EML5: variants seen among roughly 807,000 people sequenced by gnomAD.
The protein encoded by EML5 is EMAP like 5.
In EML5, 120 loss-of-function variants were observed where a neutral mutation model predicts 250.0. The ratio of observed to expected loss-of-function variants is 0.48; its 90% CI spans 0.41 to 0.56. EML5 has a LOEUF of 0.56. EML5 is among the 20% of genes least tolerant of loss of function. EML5 has a pLI of 0.00. For missense variants in EML5, 2,006 were observed against 2,437.6 expected, an observed-to-expected ratio of 0.82 and a Z score of 3.73; for synonymous variants, 771 against 806.5, an observed-to-expected ratio of 0.96 and a Z score of 0.75.
chr14:88,695,348 G>A lies in EML5; in HGVS notation c.2438+13C>T, dbSNP rs1566649361. ...TAGTATTTTGCAAATGTGATATCAA[G>A]TTTTTTTCCTACCTTGCTATTGAAA... On this transcript the variant is annotated intron_variant, in intron 16 of 43. Transcript: ENST00000554922. 1 of 1,600,052 alleles carries A rather than the reference G, an allele frequency of 6.2e-7. No individual in the cohort carries two copies.
chr14:88,616,321 T>G, intron 42 of EML5, 79 bp from the exon 43 acceptor site: 304 of 1,333,146 alleles, frequency 2.3e-4, no homozygotes, highest in Non-Finnish European at 2.9e-4. Context: ...CTATAATCTC[T>G]ATGACAAGAG....
At chr14:88,646,613 C>A (rs1362895280) in intron 29 of EML5, among the ~76,000 whole-genome samples, 1 of 151,910 alleles carries the variant, frequency 6.6e-6, no homozygotes, top group Non-Finnish European at 1.5e-5. Context: ...TAACAATTAA[C>A]CACATTTTAA....
rs2089658891 is a variant in EML5, at chr14:88,624,755, A to G, written c.4898+215T>C. On this transcript the variant is annotated intron_variant, in intron 36 of 43. Coordinates refer to ENST00000554922, the MANE Select transcript of EML5 (RefSeq NM_183387.3). ...ACAACTACCTATCCACACCTCAGAA[A>G]AAGTATCACCCCAACATGAAAAAAA... The G allele has an allele frequency of 7.4e-6, 4 of 540,014 alleles. No individual in the cohort carries two copies. The East Asian group carries it at 1.3e-4, about 18-fold the overall frequency. 33.5% of individuals were successfully genotyped at this position (540,014 alleles called of 1,614,324 possible).
chr14:88,652,363 T>C (rs2091670069), intron 27 of EML5, among the ~76,000 whole-genome samples: 1 of 151,862 alleles, frequency 6.6e-6, no homozygotes, highest in East Asian at 1.9e-4. Flanking sequence ...AACGCGGGGG[T>C]CAGTCAATTT....
chr14:88,657,248 G>T, intron 27 of EML5, 128 bp downstream of exon 27: 2 of 862,158 alleles, frequency 2.3e-6, no homozygotes, highest in Non-Finnish European at 1.7e-6. Context: ...TTTCTAAGAG[G>T]TGCTGTGAAT....
chr14:88,616,151 T>TA lies in EML5; in HGVS notation c.5887_5888insT (p.Asp1963ValfsTer2). Reference sequence around the variant, plus strand: ...TGAGAAAGTTACTAACCTGCAGTCATCACCTCCAGCACTAACAACATGTCG... The same window carrying TA: ...TGAGAAAGTTACTAACCTGCAGTCATACACCTCCAGCACTAACAACATGTCG... On this transcript the variant is annotated frameshift_variant, in exon 43 of 44. Coordinates refer to ENST00000554922, the MANE Select transcript of EML5 (RefSeq NM_183387.3). LOFTEE classifies it high-confidence loss of function. 1 of 1,613,882 alleles carries TA rather than the reference T, an allele frequency of 6.2e-7. No homozygotes were observed. The highest frequency in any genetic ancestry group is 8.5e-7 in the Non-Finnish European group (1 of 1,179,782).
At chr14:88,616,978 A>C (rs777318069) in intron 41 of EML5, 99 bp from the exon 42 acceptor site, 17 of 1,125,936 alleles carry the variant, frequency 1.5e-5, no homozygotes, top group Admixed American at 2.2e-5. Flanking sequence ...GTACCCTATC[A>C]TGTTACTTAA....
chr14:88,634,496 T>C lies in EML5; in HGVS notation c.4337-7A>G, dbSNP rs953717112. The C allele has an allele frequency of 2.8e-6, 4 of 1,436,072 alleles. No individual in the cohort carries two copies. The highest frequency in any genetic ancestry group is 3.7e-6 in the Non-Finnish European group (4 of 1,074,014). 89.0% of individuals were successfully genotyped at this position (1,436,072 alleles called of 1,614,324 possible). On this transcript the variant is annotated splice_polypyrimidine_tract_variant and splice_region_variant and intron_variant, in intron 32 of 43. Coordinates refer to ENST00000554922, the MANE Select transcript of EML5 (RefSeq NM_183387.3). ...GACATGTCTGCTGAATCACCTATAA[T>C]GGAAAATAATTATCTATAAATAACA...
chr14:88,745,487 T>C (rs1475377696), intron 3 of EML5, among the ~76,000 whole-genome samples: 1 of 152,138 alleles, frequency 6.6e-6, no homozygotes, highest in Non-Finnish European at 1.5e-5. Context: ...GAGGAATATA[T>C]ATTCTAACAA....
At chr14:88,646,045 T>C (rs1177621706) in intron 29 of EML5, among the ~76,000 whole-genome samples, 1 of 152,204 alleles carries the variant, frequency 6.6e-6, no homozygotes, top group African/African-American at 2.4e-5. Flanking sequence ...TGAATTTAAA[T>C]CAATCATGCA....
chr14:88,619,372 AAAC>A (rs1567015869), intron 39 of EML5: 1 of 152,368 alleles, frequency 6.6e-6, no homozygotes, highest in African/African-American at 2.4e-5. Flanking sequence ...ACTCAAAACA[AAAC>A]AAAACAAAAT....
intron 3 of EML5, among the ~76,000 whole-genome samples, chr14:88,744,375 C>T (rs1234103237): frequency 6.6e-6 from 1 of 151,862 alleles, no homozygotes; most frequent in Non-Finnish European, 1.5e-5. Flanking sequence ...CCATAAATAA[C>T]AAGAATGGTT....
intron 33 of EML5, among the ~76,000 whole-genome samples, chr14:88,630,841 A>C (rs1595280433): frequency 6.6e-6 from 1 of 152,240 alleles, no homozygotes; most frequent in Non-Finnish European, 1.5e-5. Context: ...CACAAATGCA[A>C]CCAGCCTTAT....
intron 20 of EML5, 141 bp downstream of exon 20, chr14:88,684,873 CA>C: frequency 1.4e-6 from 1 of 706,550 alleles, no homozygotes; most frequent in Non-Finnish European, 2.0e-6. Context: ...TTTCTGTATA[CA>C]TTAAATTTTT....
Position 88,727,883 on chromosome 14 carries a change from TCAA to T in EML5, c.1050-1208_1050-1206del, listed in dbSNP as rs2093691505. ...CTGTTCCAGACCACAATGCTAGAAA[TCAA>T]CAACAAAAAAGATAACTAGAAGATA... On this transcript the variant is annotated intron_variant, in intron 7 of 43. Coordinates refer to ENST00000554922, the MANE Select transcript of EML5 (RefSeq NM_183387.3). 2.6e-5 allele frequency among the ~76,000 whole-genome samples: 4 copies of T among 152,142 alleles called. No homozygotes were observed. The South Asian group carries it at 8.3e-4, about 32-fold the overall frequency.
Position 88,620,934 on chromosome 14 carries a change from TAAAAAA to T in EML5, c.5203-14_5203-9del. On this transcript the variant is annotated splice_polypyrimidine_tract_variant and intron_variant, in intron 38 of 43. Transcript: ENST00000554922. This position sits in a 1 kb window ranked among gnomAD's most constrained non-coding sequence, Gnocchi z 4.3. The stretch of plus-strand genomic sequence containing the variant: ...CACTTTGTTTAACATCTTCTGCATT[TAAAAAA>T]AAAAAAAAAAAGAGTCATAGGAAAC... The T allele has an allele frequency of 2.2e-6, 3 of 1,372,038 alleles. No individual in the cohort carries two copies. Among genetic ancestry groups the T allele is most frequent in the East Asian group, 2.6e-5 (1 of 37,862 alleles). The allele number at this position is 1,372,038 out of a possible 1,614,324, so 85.0% of individuals were successfully genotyped here. A position where few individuals can be genotyped will look rare whatever the true frequency, so the allele number is the denominator to read the frequency against.
intron 1 of EML5, among the ~76,000 whole-genome samples, chr14:88,787,729 T>C (rs961108500): frequency 2.6e-5 from 4 of 152,238 alleles, no homozygotes; most frequent in African/African-American, 4.8e-5. Context: ...ACATGGTCTA[T>C]AAATAAATGT....
chr14:88,779,836 T>C (rs1307980877), intron 1 of EML5, among the ~76,000 whole-genome samples: 1 of 152,234 alleles, frequency 6.6e-6, no homozygotes, highest in African/African-American at 2.4e-5. Context: ...AAAATGCATA[T>C]ATGATACATT....
At chr14:88,777,845 C>T (rs911351285) in intron 1 of EML5, among the ~76,000 whole-genome samples, 4 of 152,074 alleles carry the variant, frequency 2.6e-5, no homozygotes, top group African/African-American at 9.7e-5. Context: ...CATGGTGGCA[C>T]ACACCTGTAG....
Sources: allele counts gnomAD v4.1 joint callset (sites outside exome capture counted in the v4.1 genomes callset), GRCh38; gene constraint gnomAD v4.1.1; non-coding constraint Gnocchi (gnomAD v3.1); transcripts MANE v1.5; gene names NCBI Gene and HGNC (gene_info 2026-07-23, HGNC 2026-07-21).